Variants in GUCY1A2 observed in about 807,000 individuals in gnomAD.
GUCY1A2 encodes the protein guanylate cyclase soluble subunit alpha-2.
Under a neutral mutation model 63.5 loss-of-function variants are expected in GUCY1A2, and 27 were observed. The ratio of observed to expected loss-of-function variants is 0.43; its 90% CI spans 0.31 to 0.59. The LOEUF (loss-of-function observed/expected upper bound fraction) is 0.59. Among genes scored for constraint, GUCY1A2 ranks in the 20% least tolerant of loss-of-function variants. The pLI is 0.11. For missense variants in GUCY1A2, 768 were observed against 913.3 expected (o/e 0.84, Z 2.05); for synonymous variants, 364 against 343.5 (o/e 1.06, Z -0.66).
intron 6 of GUCY1A2, among the ~76,000 whole-genome samples, chr11:106,749,496 G>A (rs777492607): frequency 2.0e-5 from 3 of 152,042 alleles, no homozygotes; most frequent in Non-Finnish European, 2.9e-5. Context: ...ACTGTTCTTA[G>A]GAGCTTTTAG....
At chr11:106,977,210 C>T (rs547867497) in intron 3 of GUCY1A2, among the ~76,000 whole-genome samples, 2 of 152,120 alleles carry the variant, frequency 1.3e-5, no homozygotes, top group Non-Finnish European at 2.9e-5. Context: ...CATCACCCCA[C>T]CCCTTGAAAT....
Position 106,882,651 on chromosome 11 carries a change from A to G in GUCY1A2, c.1206+56809T>C, listed in dbSNP as rs189563515. Among the ~76,000 whole-genome samples, 40 of 152,144 alleles carry G rather than the reference A, an allele frequency of 2.6e-4. 1 individual carries two copies. Among genetic ancestry groups the G allele is most frequent in the African/African-American group, 7.2e-4 (30 of 41,552 alleles). On this transcript the variant is annotated intron_variant, in intron 4 of 7. Coordinates refer to ENST00000526355, the MANE Select transcript of GUCY1A2 (RefSeq NM_000855.3). The stretch of plus-strand genomic sequence containing the variant: ...AAGCTATCTGGATATAGGGCTTGGC[A>G]TGACTGTTGACCCTCATTTAACAGT...
At chr11:106,930,927 T>C (rs1293463940) in intron 4 of GUCY1A2, among the ~76,000 whole-genome samples, 1 of 152,306 alleles carries the variant, frequency 6.6e-6, no homozygotes, top group Non-Finnish European at 1.5e-5. Context: ...TATTTCAACC[T>C]AAGATATCAA....
intron 6 of GUCY1A2, among the ~76,000 whole-genome samples, chr11:106,737,386 T>G (rs1400020651): frequency 6.6e-6 from 1 of 152,100 alleles, no homozygotes; most frequent in Non-Finnish European, 1.5e-5. Context: ...TCTCTTAGAG[T>G]GGACCATCTC....
intron 1 of GUCY1A2, among the ~76,000 whole-genome samples, chr11:107,009,944 G>A (rs1861721334): frequency 6.6e-6 from 1 of 152,026 alleles, no homozygotes; most frequent in African/African-American, 2.4e-5. Context: ...GCCCCTCCCT[G>A]GAACTATCCA....
chr11:107,018,154 C>T lies in GUCY1A2; in HGVS notation c.-99G>A. On this transcript the variant is annotated 5_prime_UTR_variant, in exon 1 of 8. Transcript: ENST00000526355. ...GACCGGCAAGCGACAACGTTAAGCGCGTCGGGGCCGCGGGGCGCTGCGGTC... is the reference window on the plus strand; with the variant it reads ...GACCGGCAAGCGACAACGTTAAGCGTGTCGGGGCCGCGGGGCGCTGCGGTC... 1 of 656,870 alleles carries T rather than the reference C, an allele frequency of 1.5e-6. No individual in the cohort carries two copies. The allele number at this position is 656,870 out of a possible 1,614,324, so 40.7% of individuals were successfully genotyped here. A position where few individuals can be genotyped will look rare whatever the true frequency, so the allele number is the denominator to read the frequency against.
chr11:106,856,242 A>C (rs540757556), intron 4 of GUCY1A2, among the ~76,000 whole-genome samples: 126 of 152,154 alleles, frequency 8.3e-4, no homozygotes, highest in Non-Finnish European at 1.4e-3. Context: ...GTGAGCTGAG[A>C]TCATGCCACT....
intron 3 of GUCY1A2, among the ~76,000 whole-genome samples, chr11:106,955,670 T>C (rs766881297): frequency 1.3e-4 from 20 of 152,232 alleles, no homozygotes; most frequent in Non-Finnish European, 1.9e-4. Flanking sequence ...AGGTCCACTG[T>C]TAGTCTGATG....
intron 4 of GUCY1A2, among the ~76,000 whole-genome samples, chr11:106,909,163 T>C (rs1860256210): frequency 6.6e-6 from 1 of 151,950 alleles, no homozygotes; most frequent in African/African-American, 2.4e-5. Context: ...GTGCACTACA[T>C]TTTAATCAAA....
chr11:106,775,556 G>C (rs113577991), intron 6 of GUCY1A2, among the ~76,000 whole-genome samples: 9 of 151,336 alleles, frequency 5.9e-5, no homozygotes, highest in African/African-American at 2.2e-4. Flanking sequence ...GTGCCTAATA[G>C]TTTTTTAAAA....
chr11:106,694,517 C>T (rs549495550), intron 7 of GUCY1A2, among the ~76,000 whole-genome samples: 101 of 152,240 alleles, frequency 6.6e-4, no homozygotes, highest in African/African-American at 2.2e-3. Flanking sequence ...AAGTAGATTC[C>T]GTTTCCCTTG....
chr11:106,802,967 A>G (rs1858631251), intron 5 of GUCY1A2, among the ~76,000 whole-genome samples: 1 of 152,132 alleles, frequency 6.6e-6, no homozygotes, highest in African/African-American at 2.4e-5. Context: ...TGCAGTTGCC[A>G]CCACTCTTCA....
At chr11:106,953,330 C>T (rs1322351162) in intron 3 of GUCY1A2, among the ~76,000 whole-genome samples, 1 of 152,092 alleles carries the variant, frequency 6.6e-6, no homozygotes, top group African/African-American at 2.4e-5. Context: ...TATGTTTATG[C>T]ATTTGCATAT....
At chr11:106,947,314 T>G (rs752164993) in intron 3 of GUCY1A2, among the ~76,000 whole-genome samples, 72 of 151,142 alleles carry the variant, frequency 4.8e-4, no homozygotes, top group Non-Finnish European at 2.2e-4. Flanking sequence ...ATGTAACGAA[T>G]AGATCAGCAA....
intron 4 of GUCY1A2, among the ~76,000 whole-genome samples, chr11:106,889,158 A>G (rs1859941617): frequency 6.6e-6 from 1 of 152,190 alleles, no homozygotes; most frequent in African/African-American, 2.4e-5. Flanking sequence ...TCATTTAACA[A>G]TATTCCCAAG....
At chr11:106,709,106 T>A (rs995658372) in intron 6 of GUCY1A2, among the ~76,000 whole-genome samples, 1 of 141,364 alleles carries the variant, frequency 7.1e-6, no homozygotes, top group Admixed American at 7.6e-5. Context: ...TTTGTTTAAA[T>A]GTTGGATTTT....
At chr11:106,806,412 A>G (rs1858687355) in intron 5 of GUCY1A2, among the ~76,000 whole-genome samples, 1 of 152,190 alleles carries the variant, frequency 6.6e-6, no homozygotes, top group Non-Finnish European at 1.5e-5. Flanking sequence ...GGAATCAGAG[A>G]AAGGCAAAGT....
At chr11:106,763,182 G>C (rs1487899) in intron 6 of GUCY1A2, among the ~76,000 whole-genome samples, 9,547 of 151,974 alleles carry the variant, frequency 0.063, 863 homozygotes, top group African/African-American at 0.19. Flanking sequence ...AATGGAAAAA[G>C]CTCTTTCCCC....
At chr11:106,769,422 G>A (rs980827306) in intron 6 of GUCY1A2, among the ~76,000 whole-genome samples, 1 of 150,224 alleles carries the variant, frequency 6.7e-6, no homozygotes, top group Non-Finnish European at 1.5e-5. Context: ...GGAAGTATTG[G>A]CAAGTTGGAA....
Sources: allele counts gnomAD v4.1 joint callset (sites outside exome capture counted in the v4.1 genomes callset), GRCh38; gene constraint gnomAD v4.1.1; transcripts MANE v1.5; gene names NCBI Gene and HGNC (gene_info 2026-07-23, HGNC 2026-07-21).